The following GRID2 variants were observed in gnomAD, a reference collection of about 807,000 sequenced individuals.
GRID2 encodes glutamate receptor ionotropic, delta-2.
In GRID2, 33 loss-of-function variants were observed where a neutral mutation model predicts 114.8. The observed-to-expected ratio is 0.29, with a 90% confidence interval of 0.22 to 0.38. GRID2 has a LOEUF of 0.38. Among genes scored for constraint, GRID2 ranks in the 10% least tolerant of loss-of-function variants. The pLI is 1.00. For missense variants in GRID2, 1,184 were observed against 1,257.7 expected (o/e 0.94, Z 0.89); for synonymous variants, 505 against 449.9 (o/e 1.12, Z -1.55).
intron 1 of GRID2, among the ~76,000 whole-genome samples, chr4:92,455,139 A>G (rs1335410185): frequency 6.6e-6 from 1 of 152,200 alleles, no homozygotes; most frequent in Admixed American, 6.5e-5. Flanking sequence ...TAGAGCCCAT[A>G]TCTTTGAAAG....
At chr4:92,903,995 C>T (rs955272914) in intron 2 of GRID2, among the ~76,000 whole-genome samples, 2 of 151,826 alleles carry the variant, frequency 1.3e-5, no homozygotes, top group East Asian at 1.9e-4. Flanking sequence ...ATCATCACTA[C>T]GATTCAACTC....
At chr4:92,718,701 T>A (rs1735663847) in intron 2 of GRID2, among the ~76,000 whole-genome samples, 1 of 127,834 alleles carries the variant, frequency 7.8e-6, no homozygotes, top group African/African-American at 3.0e-5. Context: ...TGATTGAGGC[T>A]GCAATGAGCC....
chr4:93,383,685 C>T (rs997711605), intron 8 of GRID2, among the ~76,000 whole-genome samples: 3 of 152,122 alleles, frequency 2.0e-5, no homozygotes, highest in Non-Finnish European at 4.4e-5. Flanking sequence ...TGGACTATGG[C>T]TGTGAGAAAT....
intron 2 of GRID2, among the ~76,000 whole-genome samples, chr4:92,918,022 T>C (rs917701126): frequency 2.6e-5 from 4 of 152,180 alleles, no homozygotes; most frequent in African/African-American, 9.7e-5. Flanking sequence ...CCTCTTTTAT[T>C]TCATTGAGCA....
chr4:92,866,996 A>C (rs1364860028), intron 2 of GRID2, among the ~76,000 whole-genome samples: 3 of 152,146 alleles, frequency 2.0e-5, no homozygotes, highest in Non-Finnish European at 4.4e-5. Flanking sequence ...TATGTCCATC[A>C]TATTATCATG....
chr4:92,681,126 A>G (rs1182953482), intron 2 of GRID2, among the ~76,000 whole-genome samples: 1 of 152,200 alleles, frequency 6.6e-6, no homozygotes, highest in Admixed American at 6.5e-5. Flanking sequence ...GATACTGTAC[A>G]TTAAGATTGG....
At chr4:92,947,706 G>A (rs988694579) in intron 2 of GRID2, among the ~76,000 whole-genome samples, 1 of 151,782 alleles carries the variant, frequency 6.6e-6, no homozygotes, top group Admixed American at 6.6e-5. Flanking sequence ...GGTTGTGTGT[G>A]TGCGTGTATA....
chr4:93,676,140 A>G lies in GRID2; in HGVS notation c.2360+49705A>G, dbSNP rs558081479. ...GCCACTAATGCTAGAACAGTTAGAT[A>G]GACCAATGGAACTTTCACACTTGTG... On this transcript the variant is annotated intron_variant, in intron 14 of 15. Transcript: ENST00000282020. Among the ~76,000 whole-genome samples, 38 of 152,378 alleles carry G rather than the reference A, an allele frequency of 2.5e-4. 1 individual carries two copies. The South Asian group carries it at 5.4e-3, about 22-fold the overall frequency.
intron 1 of GRID2, among the ~76,000 whole-genome samples, chr4:92,477,230 G>C (rs1455478781): frequency 2.0e-5 from 3 of 151,870 alleles, no homozygotes; most frequent in Non-Finnish European, 2.9e-5. Context: ...AACTGTTTTG[G>C]TTTGCTAATG....
chr4:92,331,357 C>T (rs542330734), intron 1 of GRID2, among the ~76,000 whole-genome samples: 1 of 152,166 alleles, frequency 6.6e-6, no homozygotes, highest in South Asian at 2.1e-4. Context: ...GGCACTTAGC[C>T]CGATCTGTCT....
At chr4:93,098,585 G>C (rs1731431690) in intron 3 of GRID2, among the ~76,000 whole-genome samples, 1 of 151,928 alleles carries the variant, frequency 6.6e-6, no homozygotes, top group Non-Finnish European at 1.5e-5. Context: ...GTACTGATGA[G>C]AGAAACATTA....
intron 10 of GRID2, among the ~76,000 whole-genome samples, chr4:93,446,407 A>G (rs1240050114): frequency 6.6e-6 from 1 of 152,080 alleles, no homozygotes; most frequent in African/African-American, 2.4e-5. Context: ...AGGGGCAGGA[A>G]TACCAGAATA....
chr4:93,809,452 T>G (rs1489407708), exon 2 of GRID2: 1 of 152,174 alleles, frequency 6.6e-6, no homozygotes, highest in Non-Finnish European at 1.5e-5. Flanking sequence ...CGTATTAGCA[T>G]GTATCTCCAG....
At chr4:93,454,794 G>T (rs1723036526) in intron 10 of GRID2, among the ~76,000 whole-genome samples, 1 of 151,972 alleles carries the variant, frequency 6.6e-6, no homozygotes, top group Admixed American at 6.6e-5. Flanking sequence ...ATTTACTAGT[G>T]TTTTTGTTTG....
chr4:93,471,344 T>C (rs1724782418), intron 11 of GRID2, among the ~76,000 whole-genome samples: 2 of 152,192 alleles, frequency 1.3e-5, no homozygotes, highest in Admixed American at 1.3e-4. Flanking sequence ...CTTCATAAGA[T>C]AAGCATTTCA....
intron 1 of GRID2, among the ~76,000 whole-genome samples, chr4:92,489,010 T>C (rs1334143356): frequency 6.6e-6 from 1 of 152,184 alleles, no homozygotes; most frequent in East Asian, 1.9e-4. Context: ...TTTCCCATAG[T>C]ATTGCTGTGA....
rs553924335 is a variant in GRID2 at position 93,291,995 on chromosome 4, T to C, written c.1245+53505T>C. On this transcript the variant is annotated intron_variant, in intron 8 of 15. Coordinates refer to ENST00000282020, the MANE Select transcript of GRID2 (RefSeq NM_001510.4). ...TTATTAATTATTATGTAAAGTTTTA[T>C]TGTTACTCATAAGATGGTTGAAATG... Among the ~76,000 whole-genome samples, 10 of 152,278 alleles carry C rather than the reference T, an allele frequency of 6.6e-5. No homozygotes were observed. In the South Asian group the frequency reaches 2.1e-3, roughly 32 times the overall value.
intron 13 of GRID2, among the ~76,000 whole-genome samples, chr4:93,543,746 G>GAA (rs1553950511): frequency 6.8e-6 from 1 of 146,774 alleles, no homozygotes; most frequent in Non-Finnish European, 1.5e-5. Context: ...GAGAGAGAGA[G>GAA]AAGCAGCACT....
chr4:93,771,595 G>A (rs1443554050), intron 15 of GRID2, among the ~76,000 whole-genome samples: 1 of 152,120 alleles, frequency 6.6e-6, no homozygotes, highest in African/African-American at 2.4e-5. Flanking sequence ...GTATGAAATA[G>A]CTTACTATAT....
Sources: allele counts gnomAD v4.1 joint callset (sites outside exome capture counted in the v4.1 genomes callset), GRCh38; gene constraint gnomAD v4.1.1; transcripts MANE v1.5; gene names NCBI Gene and HGNC (gene_info 2026-07-23, HGNC 2026-07-21).